The following AFAP1 variants were observed in gnomAD, a reference collection of about 807,000 sequenced individuals.
The protein encoded by AFAP1 is actin filament associated protein 1, also known as actin filament-associated protein 1.
A neutral mutation model predicts 93.9 loss-of-function variants in AFAP1; 75 were observed. The ratio of observed to expected loss-of-function variants is 0.80; its 90% CI spans 0.66 to 0.97. The LOEUF (loss-of-function observed/expected upper bound fraction) is 0.97, where lower values mean the gene tolerates loss of function less well. Ranked by LOEUF, AFAP1 falls within the 50% of genes least tolerant of loss-of-function variation. The pLI is 0.00. For synonymous variants in AFAP1, 517 were observed against 430.7 expected (o/e 1.20, Z -2.48); for missense variants, 1,201 against 1,050.8 (o/e 1.14, Z -1.98).
At chr4:7,890,810 G>T (rs1385475411) in intron 1 of AFAP1, among the ~76,000 whole-genome samples, 1 of 152,074 alleles carries the variant, frequency 6.6e-6, no homozygotes, top group African/African-American at 2.4e-5. Flanking sequence ...AGCAAAACAG[G>T]AGAGCAACTA....
intron 1 of AFAP1, among the ~76,000 whole-genome samples, chr4:7,906,189 C>T (rs181931292): frequency 6.6e-6 from 1 of 152,220 alleles, no homozygotes; most frequent in East Asian, 1.9e-4. Flanking sequence ...ACTAGAAGCC[C>T]GAGCCTCTAC....
At chr4:7,894,438 A>C (rs767588155) in intron 1 of AFAP1, among the ~76,000 whole-genome samples, 23 of 152,212 alleles carry the variant, frequency 1.5e-4, no homozygotes, top group Non-Finnish European at 2.5e-4. Context: ...AACACAGAAG[A>C]AGCATTTAGC....
At chr4:7,867,254 C>A (rs62289332) in intron 3 of AFAP1, among the ~76,000 whole-genome samples, 45,734 of 151,948 alleles carry the variant, frequency 0.3, 7,225 homozygotes, top group South Asian at 0.44. Flanking sequence ...GTTTGAGAAG[C>A]GCTGCTCTGA....
chr4:7,861,624 C>T (rs1244392439), intron 3 of AFAP1, among the ~76,000 whole-genome samples: 1 of 152,208 alleles, frequency 6.6e-6, no homozygotes, highest in Non-Finnish European at 1.5e-5. Flanking sequence ...TGTCATCTCC[C>T]CTCCCTTTTC....
intron 1 of AFAP1, among the ~76,000 whole-genome samples, chr4:7,912,705 T>C (rs1268741761): frequency 2.6e-5 from 4 of 152,220 alleles, no homozygotes; most frequent in Middle Eastern, 3.2e-3. Context: ...GGCTTGCAAT[T>C]AGTTTCTCCC....
At position 7,781,369 on chromosome 4, in the gene AFAP1, G is replaced by A; in HGVS notation, c.1782+7C>T. ...GTTCTAGAATCTTACAGAAGAAGAT[G>A]CCGTACCTGCGAGTTGAGCCCGAGA... On this transcript the variant is annotated splice_region_variant and intron_variant, in intron 13 of 17. Transcript: ENST00000420658. The A allele has an allele frequency of 6.4e-7, 1 of 1,551,126 alleles. No individual in the cohort carries two copies. Among genetic ancestry groups the A allele is most frequent in the Non-Finnish European group, 8.7e-7 (1 of 1,146,498 alleles).
chr4:7,871,076 G>C (rs139059375), intron 2 of AFAP1, among the ~76,000 whole-genome samples: 14 of 152,246 alleles, frequency 9.2e-5, no homozygotes, highest in African/African-American at 2.9e-4. Flanking sequence ...TCACTCAACT[G>C]GTGTGGACTT....
At chr4:7,815,143 A>G (rs1720365301) in intron 8 of AFAP1, among the ~76,000 whole-genome samples, 1 of 152,236 alleles carries the variant, frequency 6.6e-6, no homozygotes, top group Non-Finnish European at 1.5e-5. Flanking sequence ...ACTAAGTGGA[A>G]TAAGCACTCA....
chr4:7,816,770 A>C (rs982159195), intron 7 of AFAP1, among the ~76,000 whole-genome samples: 2 of 152,210 alleles, frequency 1.3e-5, no homozygotes, highest in African/African-American at 2.4e-5. Flanking sequence ...CCGTCCTCAG[A>C]GCCTGTGCCT....
Position 7,872,074 on chromosome 4 carries a change from T to C in AFAP1, c.5A>G (p.Glu2Gly). 1.2e-6 allele frequency: 2 copies of C among 1,613,966 alleles called. No individual in the cohort carries two copies. The highest frequency in any genetic ancestry group is 8.5e-7 in the Non-Finnish European group (1 of 1,180,002). The change falls in exon 2 of 18, where the codon GAA (glutamate) becomes GGA (glycine). Residue 2 changes from glutamate to glycine, a missense_variant. Coordinates refer to ENST00000420658, the MANE Select transcript of AFAP1 (RefSeq NM_001134647.2). M[E>G]ELIVELRLFL... ...GAGACGAAGTTCAACTATTAACTCT[T>C]CCATTGCTGACAACAAAAGAGGAAG...
intron 9 of AFAP1, among the ~76,000 whole-genome samples, chr4:7,802,849 C>G (rs28414447): frequency 1.1e-3 from 174 of 152,214 alleles, no homozygotes; most frequent in African/African-American, 4.0e-3. Context: ...AGGGGTTTCA[C>G]TGTGTTAGCC....
At chr4:7,769,517 T>A (rs1279814464) in intron 16 of AFAP1, among the ~76,000 whole-genome samples, 5 of 152,126 alleles carry the variant, frequency 3.3e-5, no homozygotes. Context: ...GCCTTCCTAG[T>A]GTTTACGGCA....
At chr4:7,781,316 T>G in intron 13 of AFAP1, 60 bp downstream of exon 13, 4 of 1,525,738 alleles carry the variant, frequency 2.6e-6, no homozygotes, top group Non-Finnish European at 3.5e-6. Flanking sequence ...GTTGCAAAAC[T>G]CTGTTGGAGC....
chr4:7,892,948 A>C (rs1718556616), intron 1 of AFAP1, among the ~76,000 whole-genome samples: 1 of 152,180 alleles, frequency 6.6e-6, no homozygotes, highest in Non-Finnish European at 1.5e-5. Context: ...GAACATCAAA[A>C]CACACAACCA....
At chr4:7,900,333 A>C (rs1434923637) in intron 1 of AFAP1, among the ~76,000 whole-genome samples, 1 of 46,388 alleles carries the variant, frequency 2.2e-5, no homozygotes. Flanking sequence ...CTTTGTGCGC[A>C]TCTAGCACAT....
At chr4:7,845,844 C>A (rs1177243688) in intron 4 of AFAP1, among the ~76,000 whole-genome samples, 1 of 151,446 alleles carries the variant, frequency 6.6e-6, no homozygotes, top group Non-Finnish European at 1.5e-5. Context: ...AGGAAAAACA[C>A]TCCCCCTGCT....
intron 17 of AFAP1, among the ~76,000 whole-genome samples, chr4:7,766,316 C>T (rs919753922): frequency 6.6e-5 from 10 of 152,164 alleles, no homozygotes; most frequent in African/African-American, 1.2e-4. Context: ...ACAAGGTCGG[C>T]GCTCAAGGGC....
chr4:7,778,441 G>A, intron 14 of AFAP1: 1 of 427,912 alleles, frequency 2.3e-6, no homozygotes, highest in Non-Finnish European at 4.3e-6. Flanking sequence ...AGGGACAGGA[G>A]CTGAGGTCTC....
At chr4:7,835,868 TG>T (rs1398831173) in intron 6 of AFAP1, among the ~76,000 whole-genome samples, 1 of 151,830 alleles carries the variant, frequency 6.6e-6, no homozygotes, top group Non-Finnish European at 1.5e-5. Context: ...GGCTCTTGAA[TG>T]GACTGAGGGC....
Sources: gnomAD v4.1 joint callset for allele counts (sites outside exome capture counted in the v4.1 genomes callset) on GRCh38, gnomAD v4.1.1 for gene constraint, MANE v1.5 for transcripts, NCBI Gene and HGNC (gene_info 2026-07-23, HGNC 2026-07-21) for gene names.